WDR7: variants seen among roughly 807,000 people sequenced by gnomAD.
The protein encoded by WDR7 is WD repeat-containing protein 7.
Under a neutral mutation model 169.4 loss-of-function variants are expected in WDR7, and 46 were observed. That is an observed-to-expected ratio of 0.27 (90% confidence interval 0.21 to 0.35). The LOEUF is 0.35. WDR7 is among the 10% of genes least tolerant of loss of function. The pLI, the probability that WDR7 is intolerant of heterozygous loss-of-function variation, is 1.00. For missense variants in WDR7, 1,534 were observed against 1,859.3 expected, an observed-to-expected ratio of 0.83 and a Z score of 3.22; for synonymous variants, 612 against 666.8, an observed-to-expected ratio of 0.92 and a Z score of 1.27.
chr18:56,958,784 A>T (rs2047293804), intron 25 of WDR7, among the ~76,000 whole-genome samples: 2 of 152,060 alleles, frequency 1.3e-5, no homozygotes, highest in South Asian at 4.1e-4. Flanking sequence ...GTTCATCTCA[A>T]TTATTACTTT....
At chr18:56,715,432 G>A (rs74860140) in intron 12 of WDR7, among the ~76,000 whole-genome samples, 2,136 of 152,252 alleles carry the variant, frequency 0.014, 42 homozygotes, top group African/African-American at 0.047. Flanking sequence ...AATGACTTTC[G>A]ACGTGGGGAC....
At chr18:56,728,860 T>G (rs916351084) in intron 13 of WDR7, among the ~76,000 whole-genome samples, 1 of 152,168 alleles carries the variant, frequency 6.6e-6, no homozygotes, top group African/African-American at 2.4e-5. Flanking sequence ...ACTTCCCTCT[T>G]GTTTAGCTTC....
At chr18:56,909,691 T>C (rs1228441383) in intron 21 of WDR7, among the ~76,000 whole-genome samples, 1 of 152,136 alleles carries the variant, frequency 6.6e-6, no homozygotes, top group Non-Finnish European at 1.5e-5. Flanking sequence ...CAGAAAAATA[T>C]ATTAATATTT....
chr18:56,895,327 A>G (rs1308048784), intron 21 of WDR7, among the ~76,000 whole-genome samples: 1 of 151,906 alleles, frequency 6.6e-6, no homozygotes, highest in Non-Finnish European at 1.5e-5. Context: ...AGACCATAAA[A>G]ACCGGGAAGT....
intron 12 of WDR7, among the ~76,000 whole-genome samples, chr18:56,707,181 C>T (rs1876700529): frequency 6.6e-6 from 1 of 152,070 alleles, no homozygotes; most frequent in Admixed American, 6.5e-5. Context: ...TGAGGTTTTA[C>T]CATGTTGGCC....
At chr18:57,006,915 A>G (rs981151181) in intron 26 of WDR7, among the ~76,000 whole-genome samples, 1 of 152,118 alleles carries the variant, frequency 6.6e-6, no homozygotes, top group African/African-American at 2.4e-5. Context: ...ATGTATGTAT[A>G]CAGGCATGTA....
intron 19 of WDR7, among the ~76,000 whole-genome samples, chr18:56,808,906 A>G (rs1480375422): frequency 6.6e-6 from 1 of 152,186 alleles, no homozygotes; most frequent in African/African-American, 2.4e-5. Flanking sequence ...TTATGTATAT[A>G]GATTTTTCGT....
chr18:56,871,621 C>T (rs892164377), intron 20 of WDR7, among the ~76,000 whole-genome samples: 1 of 151,770 alleles, frequency 6.6e-6, no homozygotes, highest in Non-Finnish European at 1.5e-5. Flanking sequence ...TATCATGAAC[C>T]AATAGACATT....
intron 26 of WDR7, among the ~76,000 whole-genome samples, chr18:57,011,230 A>G (rs148255860): frequency 7.2e-5 from 11 of 152,362 alleles, no homozygotes; most frequent in African/African-American, 2.6e-4. Context: ...ATTGAAAACT[A>G]TTACTTGCAT....
intron 25 of WDR7, among the ~76,000 whole-genome samples, chr18:56,949,156 T>TC (rs879455948): frequency 2.1e-5 from 3 of 143,966 alleles, no homozygotes; most frequent in African/African-American, 7.5e-5. Flanking sequence ...CTCTCTCTCT[T>TC]TCCCTTTGGC....
At chr18:56,741,578 G>T (rs941272521) in intron 14 of WDR7, among the ~76,000 whole-genome samples, 1 of 152,164 alleles carries the variant, frequency 6.6e-6, no homozygotes, top group Non-Finnish European at 1.5e-5. Flanking sequence ...GGTTGTGAGT[G>T]CATGTGCTCC....
chr18:56,751,768 A>T (rs1285573875), intron 14 of WDR7, among the ~76,000 whole-genome samples: 1 of 152,212 alleles, frequency 6.6e-6, no homozygotes, highest in East Asian at 1.9e-4. Flanking sequence ...TAGTGTTGGT[A>T]GGTAAAAATC....
At position 56,802,033 on chromosome 18, in the gene WDR7, A is replaced by C. The variant is rs148415955; in HGVS notation, c.3191-13998A>C. Among the ~76,000 whole-genome samples the C allele has an allele frequency of 3.3e-3, 501 of 152,312 alleles. 3 individuals carry two copies. The highest frequency in any genetic ancestry group is 0.012 in the African/African-American group (487 of 41,552). ...TATATAAGAGTAAGTATGACTAAAAATTCAGTAGAACTGTCTTCCAAAGCA... is the reference window on the plus strand; with the variant it reads ...TATATAAGAGTAAGTATGACTAAAACTTCAGTAGAACTGTCTTCCAAAGCA... On this transcript the variant is annotated intron_variant, in intron 19 of 27. Transcript: ENST00000254442.
intron 1 of WDR7, among the ~76,000 whole-genome samples, chr18:56,665,304 A>AG (rs1215196382): frequency 2.2e-4 from 20 of 89,846 alleles, no homozygotes; most frequent in Admixed American, 9.4e-4. Context: ...AAAAAAAAAA[A>AG]AAAAGAAGAA....
intron 21 of WDR7, among the ~76,000 whole-genome samples, chr18:56,894,458 T>G (rs1461006924): frequency 6.6e-6 from 1 of 152,072 alleles, no homozygotes; most frequent in Non-Finnish European, 1.5e-5. Context: ...AGATACCTGC[T>G]TGGTTAACTC....
chr18:56,972,371 G>A (rs190963777), intron 26 of WDR7, among the ~76,000 whole-genome samples: 3 of 152,236 alleles, frequency 2.0e-5, no homozygotes, highest in South Asian at 2.1e-4. Flanking sequence ...TTTGAGCTTC[G>A]GGCACAGTTT....
intron 21 of WDR7, among the ~76,000 whole-genome samples, chr18:56,881,266 TAAC>T (rs1276587807): frequency 1.3e-5 from 2 of 152,202 alleles, no homozygotes; most frequent in African/African-American, 4.8e-5. Flanking sequence ...ATCAGAGTAA[TAAC>T]GTTTAAATTT....
chr18:56,952,827 T>C (rs774289425), intron 25 of WDR7, among the ~76,000 whole-genome samples: 1 of 152,180 alleles, frequency 6.6e-6, no homozygotes, highest in Non-Finnish European at 1.5e-5. Context: ...TATTACTAAA[T>C]GCAAGAAATC....
At chr18:56,776,098 G>T (rs1004506592) in intron 16 of WDR7, among the ~76,000 whole-genome samples, 1 of 151,808 alleles carries the variant, frequency 6.6e-6, no homozygotes, top group Admixed American at 6.6e-5. Context: ...TTTCTTGAGG[G>T]GTTAGGGAGT....
Sources: gnomAD v4.1 joint callset for allele counts (sites outside exome capture counted in the v4.1 genomes callset) on GRCh38, gnomAD v4.1.1 for gene constraint, MANE v1.5 for transcripts, NCBI Gene and HGNC (gene_info 2026-07-23, HGNC 2026-07-21) for gene names.